PRKDC: variants seen among roughly 807,000 people sequenced by gnomAD.
PRKDC encodes protein kinase, DNA-activated, catalytic subunit.
Under a neutral mutation model 486.9 loss-of-function variants are expected in PRKDC, and 82 were observed. The observed-to-expected ratio is 0.17, with a 90% CI of 0.14 to 0.20. PRKDC has a LOEUF of 0.20. PRKDC is among the 10% of genes least tolerant of loss of function. The probability of loss-of-function intolerance (pLI) is 1.00; values close to 1 mark genes in which losing one functional copy is unlikely to be tolerated. For synonymous variants in PRKDC, 1,895 were observed against 1,837.0 expected (o/e 1.03, Z -0.81); for missense variants, 4,504 against 5,038.2 (o/e 0.89, Z 3.21).
intron 73 of PRKDC, among the ~76,000 whole-genome samples, chr8:47,795,201 T>C (rs2086957812): frequency 6.8e-6 from 1 of 146,498 alleles, no homozygotes; most frequent in African/African-American, 2.5e-5. Flanking sequence ...TTTTTTTTTT[T>C]TTTTTCTTGA....
chr8:47,855,249 C>T lies in PRKDC; in HGVS notation c.6734G>A (p.Trp2245Ter). Residue 2245 changes from tryptophan to a stop codon, truncating the protein, a stop_gained, in exon 50 of 86, where the codon TGG (tryptophan) becomes TAG (stop). Transcript: ENST00000314191. LOFTEE classifies it high-confidence loss of function. ...ATAAGGGATGGATAAACAATCCTTC[C>T]AGCACTCGACAAGGGTCTTTATAAT... ...LEIIKTLVEC[W>*]KDCLSIPYRL... is the part of the protein sequence containing the mutation. 6.2e-7 allele frequency: 1 copy of T among 1,604,342 alleles called. No homozygotes were observed. The highest frequency in any genetic ancestry group is 8.5e-7 in the Non-Finnish European group (1 of 1,175,046).
chr8:47,808,529 C>G (rs2087261044), intron 68 of PRKDC, among the ~76,000 whole-genome samples: 3 of 152,042 alleles, frequency 2.0e-5, no homozygotes. Flanking sequence ...AGTAGTTATT[C>G]ACAGATGTAA....
intron 21 of PRKDC, 85 bp from the exon 22 acceptor site, chr8:47,918,468 A>G: frequency 2.9e-6 from 2 of 701,650 alleles, no homozygotes; most frequent in Non-Finnish European, 4.2e-6. Context: ...TATATTGTCA[A>G]ATAGAAACAT....
intron 54 of PRKDC, among the ~76,000 whole-genome samples, chr8:47,845,127 A>C (rs533255409): frequency 7.9e-5 from 12 of 152,162 alleles, no homozygotes; most frequent in Non-Finnish European, 1.6e-4. Flanking sequence ...AGGCTGAGGC[A>C]AAAGAATAGC....
At chr8:47,892,167 G>A (rs963322409) in intron 31 of PRKDC, among the ~76,000 whole-genome samples, 6 of 152,034 alleles carry the variant, frequency 3.9e-5, no homozygotes, top group Non-Finnish European at 7.4e-5. Flanking sequence ...ACCGCGTCCG[G>A]CCATGAACAA....
At chr8:47,841,068 A>C (rs1171393905) in intron 54 of PRKDC, among the ~76,000 whole-genome samples, 4 of 152,226 alleles carry the variant, frequency 2.6e-5, no homozygotes, top group Non-Finnish European at 5.9e-5. Flanking sequence ...ACCTGGCCCT[A>C]ATCAGGTCCT....
intron 74 of PRKDC, among the ~76,000 whole-genome samples, 186 bp downstream of exon 74, chr8:47,794,104 G>A (rs1305073663): frequency 1.3e-5 from 2 of 152,218 alleles, no homozygotes; most frequent in African/African-American, 4.8e-5. Context: ...GTATTTAAAG[G>A]AGATACATCC....
chr8:47,944,873 A>T (rs1262996098), intron 7 of PRKDC, among the ~76,000 whole-genome samples: 1 of 152,230 alleles, frequency 6.6e-6, no homozygotes, highest in Non-Finnish European at 1.5e-5. Flanking sequence ...GAGAGGCCTT[A>T]AAGCAGAGAA....
At position 47,930,703 on chromosome 8, in the gene PRKDC, A is replaced by T. The variant is rs1254994792; in HGVS notation, c.1861T>A (p.Ser621Thr). The T allele has an allele frequency of 6.3e-7, 1 of 1,583,474 alleles. No homozygotes were observed. The highest frequency in any genetic ancestry group is 1.2e-5 in the South Asian group (1 of 86,058). ...NLHPAKPKDFSAFINLVEFCR... is the reference protein window; with the variant it reads ...NLHPAKPKDFTAFINLVEFCR... ...AATTCCACCAGGTTAATGAAAGCCG[A>T]AAAATCTTTAGGTTTAGCTGGATGC... The change falls in exon 17 of 86, where the codon TCG (serine) becomes ACG (threonine). Residue 621 changes from serine (S) to threonine (T), a missense_variant. Around this residue, in one of 6 missense-constraint regions of PRKDC, gnomAD observed 1,969 missense variants for 2,068.9 expected, o/e 0.95. Transcript: ENST00000314191.
rs749630133 is a variant in PRKDC at position 47,864,594 on chromosome 8, C to T, written c.5533G>A (p.Val1845Met). 1.2e-6 allele frequency: 2 copies of T among 1,610,364 alleles called. No individual in the cohort carries two copies. Among genetic ancestry groups the T allele is most frequent in the Non-Finnish European group, 1.7e-6 (2 of 1,178,670 alleles). ...GACTTCAACACATCAATGGCATCCA[C>T]CACAATTGTGCTGAAGAATTCTCTC... is the stretch of plus-strand genomic sequence containing the variant. Reference protein sequence around the residue: ...ALREFFSTIVVDAIDVLKSRF... With the variant: ...ALREFFSTIVMDAIDVLKSRF... Residue 1845 changes from valine to methionine, a missense_variant, in exon 41 of 86, where the codon GTG (valine) becomes ATG (methionine). By Grantham distance (21) the Val-to-Met change is conservative. Coordinates refer to ENST00000314191, the MANE Select transcript of PRKDC (RefSeq NM_006904.7).
chr8:47,774,213 ATGTTGGGGTC>A lies in PRKDC; in HGVS notation c.12337_12346del (p.Asp4113SerfsTer47). 1 of 1,594,922 alleles carries A rather than the reference ATGTTGGGGTC, an allele frequency of 6.3e-7. No homozygotes were observed. Among genetic ancestry groups the A allele is most frequent in the Non-Finnish European group, 8.5e-7 (1 of 1,170,526 alleles). ...CCATCCTTCCCAGGTTCTGCCAAGGATGTTGGGGTCTGTTGCCTGGTCCATCAGGCACTTC... is the reference window on the plus strand; with the variant it reads ...CCATCCTTCCCAGGTTCTGCCAAGGATGTTGCCTGGTCCATCAGGCACTTC... On this transcript the variant is annotated frameshift_variant, in exon 86 of 86. Coordinates refer to ENST00000314191, the MANE Select transcript of PRKDC (RefSeq NM_006904.7). LOFTEE classifies it high-confidence loss of function.
At chr8:47,909,430 C>G (rs1480441838) in intron 25 of PRKDC, among the ~76,000 whole-genome samples, 1 of 152,150 alleles carries the variant, frequency 6.6e-6, no homozygotes, top group Non-Finnish European at 1.5e-5. Context: ...TCTTCGTAAG[C>G]TGAGAATGTA....
At chr8:47,894,274 A>G in intron 30 of PRKDC, among the ~76,000 whole-genome samples, 2 of 152,328 alleles carry the variant, frequency 1.3e-5, no homozygotes, top group East Asian at 3.8e-4. Flanking sequence ...GAGACTCGGT[A>G]TAAAAAAAAG....
chr8:47,881,079 AAAGCAAGAAAGCAAGCAAGC>A (rs1347959123), intron 38 of PRKDC, among the ~76,000 whole-genome samples: 1 of 151,006 alleles, frequency 6.6e-6, no homozygotes, highest in Non-Finnish European at 1.5e-5. Context: ...AGAAAGCAAG[AAAGCAAGAAAGCAAGCAAGC>A]AAGCAAGAAA....
At position 47,859,627 on chromosome 8, in the gene PRKDC, C is replaced by T. The variant is rs1211019846; in HGVS notation, c.6191G>A (p.Gly2064Asp). 1.2e-6 allele frequency: 2 copies of T among 1,609,938 alleles called. No individual in the cohort carries two copies. Among genetic ancestry groups the T allele is most frequent in the South Asian group, 1.1e-5 (1 of 89,782 alleles). ...TGTGATCACCCGTCTCCGAAAACGA[C>T]CAGTGGCAGGTCTAGGGTCTTGGGA... Reference protein sequence around the residue: ...YSSQDPRPATGRFRRREQRDP... With the variant: ...YSSQDPRPATDRFRRREQRDP... Residue 2064 changes from glycine (G) to aspartate (D), a missense_variant, in exon 46 of 86, where the codon GGT becomes GAT. This residue lies in a region of PRKDC where 1,592 missense variants were observed against 1,724.6 expected (regional missense o/e 0.92). Coordinates refer to ENST00000314191, the MANE Select transcript of PRKDC (RefSeq NM_006904.7).
At chr8:47,957,856 A>G (rs1371217833) in intron 1 of PRKDC, among the ~76,000 whole-genome samples, 1 of 152,200 alleles carries the variant, frequency 6.6e-6, no homozygotes, top group African/African-American at 2.4e-5. Context: ...AATATAAAAC[A>G]CTAACCCAAG....
intron 22 of PRKDC, among the ~76,000 whole-genome samples, chr8:47,917,916 C>T (rs1386891523): frequency 6.6e-6 from 1 of 152,140 alleles, no homozygotes; most frequent in Non-Finnish European, 1.5e-5. Flanking sequence ...TGTGATCTTG[C>T]TCACTACAGC....
chr8:47,833,875 T>C (rs1029555029), intron 59 of PRKDC, among the ~76,000 whole-genome samples: 5 of 152,094 alleles, frequency 3.3e-5, no homozygotes, highest in Non-Finnish European at 5.9e-5. Flanking sequence ...TCCACCTGTA[T>C]TAAGCCCTCT....
At chr8:47,858,423 A>T (rs2088595287) in intron 48 of PRKDC, 93 bp downstream of exon 48, 5 of 1,213,472 alleles carry the variant, frequency 4.1e-6, no homozygotes, top group Non-Finnish European at 5.5e-6. Context: ...GTTTTTAAGT[A>T]TATTCATAGA....
Sources: allele counts gnomAD v4.1 joint callset (sites outside exome capture counted in the v4.1 genomes callset), GRCh38; gene constraint gnomAD v4.1.1; regional missense constraint gnomAD v4.1.1; transcripts MANE v1.5; gene names NCBI Gene and HGNC (gene_info 2026-07-23, HGNC 2026-07-21).